PLPP4: variants seen among roughly 807,000 people sequenced by gnomAD.
PLPP4 encodes the protein diacylglycerol pyrophosphate like 2.
Under a neutral mutation model 32.2 loss-of-function variants are expected in PLPP4, and 20 were observed. The observed-to-expected ratio is 0.62, with a 90% CI of 0.44 to 0.90. PLPP4 has a LOEUF of 0.90. Ranked by LOEUF, PLPP4 falls within the 40% of genes least tolerant of loss-of-function variation. The probability of loss-of-function intolerance (pLI) is 0.00; values close to 1 mark genes in which losing one functional copy is unlikely to be tolerated. For synonymous variants in PLPP4, 127 were observed against 133.0 expected, an observed-to-expected ratio of 0.95 and a Z score of 0.31; for missense variants, 257 against 353.1, an observed-to-expected ratio of 0.73 and a Z score of 2.18.
At position 120,591,577 on chromosome 10, in the gene PLPP4, C is replaced by T. The variant is rs922418917; in HGVS notation, c.*2075C>T. ...ACTCTATAATTTTCAAAAATAAAGC[C>T]CAAAATAGAAATGTAGGAAAAAGAT... is the stretch of plus-strand genomic sequence containing the variant. On this transcript the variant is annotated 3_prime_UTR_variant, in exon 7 of 7. Transcript: ENST00000398250. Among the ~76,000 whole-genome samples, 1 of 150,452 alleles carries T rather than the reference C, an allele frequency of 6.6e-6. No homozygotes were observed. Among genetic ancestry groups the T allele is most frequent in the Non-Finnish European group, 1.5e-5 (1 of 67,672 alleles).
rs1849996702 is a variant in PLPP4, at chr10:120,591,635, C to T, written c.*2133C>T. ...TACTGTTAAAAAAAAAAACCCCATC[C>T]TGATGTGGCCCACATTCTTATTTGA... is the stretch of plus-strand genomic sequence containing the variant. On this transcript the variant is annotated 3_prime_UTR_variant, in exon 7 of 7. Transcript: ENST00000398250. 6.6e-6 allele frequency among the ~76,000 whole-genome samples: 1 copy of T among 151,456 alleles called. No homozygotes were observed.
chr10:120,533,264 T>G (rs539463063), intron 5 of PLPP4, among the ~76,000 whole-genome samples: 1 of 152,324 alleles, frequency 6.6e-6, no homozygotes, highest in African/African-American at 2.4e-5. Context: ...CCCTAATGAC[T>G]AATGAGGTTG....
At chr10:120,570,133 G>A (rs1564846790) in intron 5 of PLPP4, among the ~76,000 whole-genome samples, 1 of 152,212 alleles carries the variant, frequency 6.6e-6, no homozygotes, top group East Asian at 1.9e-4. Flanking sequence ...CCTGGCCCAT[G>A]GGAGGTACTC....
intron 5 of PLPP4, among the ~76,000 whole-genome samples, chr10:120,561,390 C>G (rs960461423): frequency 6.6e-6 from 1 of 152,116 alleles, no homozygotes; most frequent in Non-Finnish European, 1.5e-5. Flanking sequence ...ATTCACTGAC[C>G]TACAACATAT....
At chr10:120,462,380 CA>C (rs1744652852) in intron 1 of PLPP4, among the ~76,000 whole-genome samples, 1 of 152,138 alleles carries the variant, frequency 6.6e-6, no homozygotes, top group African/African-American at 2.4e-5. Flanking sequence ...GATGTTTGCC[CA>C]GGGGTGGAAA....
intron 1 of PLPP4, among the ~76,000 whole-genome samples, chr10:120,477,271 C>T (rs1416258930): frequency 1.4e-5 from 2 of 142,404 alleles, no homozygotes; most frequent in African/African-American, 2.5e-5. Context: ...ACCTTCTCTA[C>T]TGCTATGTCA....
At chr10:120,474,017 T>G (rs887122808) in intron 1 of PLPP4, among the ~76,000 whole-genome samples, 8 of 152,214 alleles carry the variant, frequency 5.3e-5, no homozygotes, top group African/African-American at 1.4e-4. Flanking sequence ...TTATGTATTT[T>G]TTTATTTCTA....
chr10:120,521,185 T>C, intron 5 of PLPP4, 90 bp downstream of exon 5: 1 of 1,483,354 alleles, frequency 6.7e-7, no homozygotes, highest in East Asian at 2.3e-5. Flanking sequence ...AAAGCACTGG[T>C]ACAGGAATGT....
At chr10:120,528,365 C>T (rs1250483923) in intron 5 of PLPP4, among the ~76,000 whole-genome samples, 1 of 152,158 alleles carries the variant, frequency 6.6e-6, no homozygotes, top group South Asian at 2.1e-4. Context: ...TGAGCCACCA[C>T]GCCCGGCCGC....
chr10:120,498,654 C>CTTTTTTTTTTTTT (rs11287636), intron 1 of PLPP4, among the ~76,000 whole-genome samples: 1 of 143,410 alleles, frequency 7.0e-6, no homozygotes, highest in South Asian at 2.2e-4. Flanking sequence ...CTCTTCTATT[C>CTTTTTTTTTTTTT]TTTTTTTTTT....
chr10:120,508,533 C>T (rs1358600563), intron 2 of PLPP4, among the ~76,000 whole-genome samples: 2 of 152,172 alleles, frequency 1.3e-5, no homozygotes, highest in African/African-American at 2.4e-5. Context: ...ATCCTCATGC[C>T]CTCCCCCATC....
At chr10:120,577,346 G>A (rs1406022384) in intron 6 of PLPP4, among the ~76,000 whole-genome samples, 1 of 152,194 alleles carries the variant, frequency 6.6e-6, no homozygotes, top group Non-Finnish European at 1.5e-5. Flanking sequence ...AACAACCTAG[G>A]ATGTGAGGCT....
At chr10:120,579,916 G>A (rs1849404542) in intron 6 of PLPP4, among the ~76,000 whole-genome samples, 1 of 149,942 alleles carries the variant, frequency 6.7e-6, no homozygotes. Context: ...GACCATCCTG[G>A]CTAACATGGT....
At chr10:120,526,464 C>T (rs149290874) in intron 5 of PLPP4, among the ~76,000 whole-genome samples, 148 of 152,178 alleles carry the variant, frequency 9.7e-4, no homozygotes, top group Non-Finnish European at 1.6e-3. Flanking sequence ...TGTTAGCTAG[C>T]GTCTGGCCTT....
intron 1 of PLPP4, among the ~76,000 whole-genome samples, chr10:120,501,716 G>T (rs909078540): frequency 1.3e-5 from 2 of 152,198 alleles, no homozygotes; most frequent in African/African-American, 4.8e-5. Flanking sequence ...GTATCATTTA[G>T]TTCAATGCTG....
At chr10:120,510,162 G>A (rs746069900) in intron 2 of PLPP4, among the ~76,000 whole-genome samples, 8 of 152,168 alleles carry the variant, frequency 5.3e-5, no homozygotes, top group Non-Finnish European at 8.8e-5. Flanking sequence ...CTCAGTACAC[G>A]TTAGCCTTTG....
intron 2 of PLPP4, among the ~76,000 whole-genome samples, chr10:120,507,068 G>T (rs560590941): frequency 2.6e-5 from 4 of 152,316 alleles, no homozygotes; most frequent in African/African-American, 9.6e-5. Flanking sequence ...CCTACTTTTT[G>T]TGTAGGACAA....
chr10:120,472,408 G>C (rs1337311459), intron 1 of PLPP4, among the ~76,000 whole-genome samples: 1 of 152,024 alleles, frequency 6.6e-6, no homozygotes, highest in Non-Finnish European at 1.5e-5. Context: ...ATATGTCTTT[G>C]CATTATCTTG....
rs142591049 is a variant in PLPP4, at chr10:120,581,066, G to A, written c.616+5765G>A. 646 of 1,280,746 alleles carry A rather than the reference G, an allele frequency of 5.0e-4. 15 individuals carry two copies. The East Asian group carries it at 0.022, about 44-fold the overall frequency. The allele number at this position is 1,280,746 out of a possible 1,614,324, so 79.3% of individuals were successfully genotyped here. ...CAGCCCCTGGCTCACCCCTCCCTCC[G>A]GTCAAAGTCCACTGCATATCCTGCT... On this transcript the variant is annotated intron_variant, in intron 6 of 6. Coordinates refer to ENST00000398250, the MANE Select transcript of PLPP4 (RefSeq NM_001030059.3).
Sources: allele counts gnomAD v4.1 joint callset (sites outside exome capture counted in the v4.1 genomes callset), GRCh38; gene constraint gnomAD v4.1.1; transcripts MANE v1.5; gene names NCBI Gene and HGNC (gene_info 2026-07-23, HGNC 2026-07-21).